The following ZNF764 variants were observed in gnomAD, a reference collection of about 807,000 sequenced individuals.
ZNF764 encodes zinc finger protein 764.
ZNF764 carries 10 observed loss-of-function variants against 13.9 expected under a neutral mutation model. That is an observed-to-expected ratio of 0.72 (90% CI 0.44 to 1.22). The LOEUF is 1.22. Among genes scored for constraint, ZNF764 ranks in the 50% most tolerant of loss-of-function variants. The probability of loss-of-function intolerance (pLI) is 0.00; values close to 1 mark genes in which losing one functional copy is unlikely to be tolerated. For synonymous variants in ZNF764, 313 were observed against 255.1 expected (o/e 1.23, Z -2.16); for missense variants, 647 against 589.7 (o/e 1.10, Z -1.01).
Position 30,555,186 on chromosome 16 carries a change from TA to T in ZNF764, c.*7del, listed in dbSNP as rs777236235. 293 of 1,601,696 alleles carry T rather than the reference TA, an allele frequency of 1.8e-4. No individual in the cohort carries two copies. The highest frequency in any genetic ancestry group is 2.4e-4 in the Non-Finnish European group (283 of 1,174,350). ...CCCGTAATGTCTAGATAGTCACTTT[TA>T]AGGCCGTCACCCACACTCCTGGAAT... On this transcript the variant is annotated 3_prime_UTR_variant, in exon 3 of 3. Coordinates refer to ENST00000395091, the MANE Select transcript of ZNF764 (RefSeq NM_001172679.2).
At position 30,558,112 on chromosome 16, in the gene ZNF764, C is replaced by CCCGGCTCCCTCCACTCGGGT. The variant is rs1293620878; in HGVS notation, c.51_70dup (p.Gly24AspfsTer10). On this transcript the variant is annotated frameshift_variant, in exon 1 of 3. Coordinates refer to ENST00000395091, the MANE Select transcript of ZNF764 (RefSeq NM_001172679.2). LOFTEE classifies it high-confidence loss of function. The stretch of plus-strand genomic sequence containing the variant: ...GGCCACGTCCGCGAAGCTCACAGCC[C>CCCGGCTCCCTCCACTCGGGT]CCGGCTCCCTCCACTCGGGTCCGGC... 2 of 1,609,514 alleles carry CCCGGCTCCCTCCACTCGGGT rather than the reference C, an allele frequency of 1.2e-6. No individual in the cohort carries two copies. The highest frequency in any genetic ancestry group is 1.7e-6 in the Non-Finnish European group (2 of 1,179,040).
At chr16:30,556,907 C>T (rs1172254748) in intron 2 of ZNF764, among the ~76,000 whole-genome samples, 1 of 152,074 alleles carries the variant, frequency 6.6e-6, no homozygotes, top group East Asian at 1.9e-4. Context: ...GAGGCCGAGG[C>T]GGGCAGATCA....
Position 30,558,023 on chromosome 16 carries a change from C to G in ZNF764, c.160G>C (p.Val54Leu). ...AGGTGGCCGTAGGTCTCCCGCATCA[C>G]GTCCCGGTACAGGGCCCTCTGCGCT... Reference protein sequence around the residue: ...RPAQRALYRDVMRETYGHLSA... With the variant: ...RPAQRALYRDLMRETYGHLSA... The change falls in exon 1 of 3, where the codon GTG becomes CTG. Residue 54 changes from valine to leucine, a missense_variant. Physicochemically the swap from Val to Leu is conservative, Grantham distance 32 (BLOSUM62 1). Coordinates refer to ENST00000395091, the MANE Select transcript of ZNF764 (RefSeq NM_001172679.2). 8 of 1,611,038 alleles carry G rather than the reference C, an allele frequency of 5.0e-6. No homozygotes were observed. Among genetic ancestry groups the G allele is most frequent in the Non-Finnish European group, 6.8e-6 (8 of 1,178,888 alleles).
At position 30,555,601 on chromosome 16, in the gene ZNF764, G is replaced by A; in HGVS notation, c.817C>T (p.Leu273Phe). Residue 273 changes from leucine (L) to phenylalanine (F), a missense_variant, in exon 3 of 3, where the codon CTC (leucine) becomes TTC (phenylalanine). Coordinates refer to ENST00000395091, the MANE Select transcript of ZNF764 (RefSeq NM_001172679.2). ...CGRRFSQSSA[L>F]YQHRRVHSGE... ...CTGTGCACGCGCCGGTGCTGGTAGAGGGCAGAGCTCTGGCTGAAGCGGCGG... is the reference window on the plus strand; with the variant it reads ...CTGTGCACGCGCCGGTGCTGGTAGAAGGCAGAGCTCTGGCTGAAGCGGCGG... 1 of 1,549,282 alleles carries A rather than the reference G, an allele frequency of 6.5e-7. No individual in the cohort carries two copies. Among genetic ancestry groups the A allele is most frequent in the Non-Finnish European group, 8.7e-7 (1 of 1,152,794 alleles).
In ZNF764 at chr16:30,558,121, C is replaced by T. The variant is rs1280000963; in HGVS notation, c.62G>A (p.Arg21Lys). Residue 21 changes from arginine to lysine, a missense_variant, in exon 1 of 3, where the codon AGG becomes AAG. Physicochemically the swap from Arg to Lys is conservative, Grantham distance 26. Transcript: ENST00000395091. Reference sequence around the variant, plus strand: ...CGCGAAGCTCACAGCCCCCGGCTCCCTCCACTCGGGTCCGGCCCCGTTTGG... The same window carrying T: ...CGCGAAGCTCACAGCCCCCGGCTCCTTCCACTCGGGTCCGGCCCCGTTTGG... ...RDPNGAGPEW[R>K]EPGAVSFADV... is the part of the protein sequence containing the mutation. 2.5e-6 allele frequency: 4 copies of T among 1,608,208 alleles called. No individual in the cohort carries two copies. Among genetic ancestry groups the T allele is most frequent in the African/African-American group, 1.3e-5 (1 of 74,902 alleles).
Position 30,558,037 on chromosome 16 carries a change from G to T in ZNF764, c.146C>A (p.Ala49Asp). 6.2e-7 allele frequency: 1 copy of T among 1,611,712 alleles called. No individual in the cohort carries two copies. Among genetic ancestry groups the T allele is most frequent in the Non-Finnish European group, 8.5e-7 (1 of 1,179,284 alleles). Residue 49 changes from alanine (A) to aspartate (D), a missense_variant, in exon 1 of 3, where the codon GCC becomes GAC. Transcript: ENST00000395091. ...EWGCLRPAQR[A>D]LYRDVMRETY... ...CTCCCGCATCACGTCCCGGTACAGG[G>T]CCCTCTGCGCTGGCCGCAAGCAGCC...
intron 2 of ZNF764, 140 bp from the exon 3 acceptor site, chr16:30,556,247 G>GCAGAGCCAGA: frequency 1.0e-6 from 1 of 988,126 alleles, no homozygotes; most frequent in Non-Finnish European, 1.5e-6. Context: ...TTCCTCGGCT[G>GCAGAGCCAGA]CAGAGCCAGA....
In ZNF764 at chr16:30,555,019, G is replaced by C. The variant is rs2051535611; in HGVS notation, c.*175C>G. ...GGGGCCTTGGAGAGCCCTGGGCAGT[G>C]GGGAGCAAGGTGCTGGCAGAGGAGG... On this transcript the variant is annotated 3_prime_UTR_variant, in exon 3 of 3. Transcript: ENST00000395091. 1 of 741,398 alleles carries C rather than the reference G, an allele frequency of 1.3e-6. No individual in the cohort carries two copies. The highest frequency in any genetic ancestry group is 1.8e-5 in the African/African-American group (1 of 54,566). 45.9% of individuals were successfully genotyped at this position (741,398 alleles called of 1,614,324 possible). A position where few individuals can be genotyped will look rare whatever the true frequency, so the allele number is the denominator to read the frequency against.
Position 30,555,131 on chromosome 16 carries a change from G to C in ZNF764, c.*63C>G. On this transcript the variant is annotated 3_prime_UTR_variant, in exon 3 of 3. Transcript: ENST00000395091. ...GGACCTCCCTGCAGGCCGCCGCAGA[G>C]GTTCGGGCCCCTGAGCCCATCTCGG... 1.3e-6 allele frequency: 2 copies of C among 1,526,208 alleles called. No individual in the cohort carries two copies. Among genetic ancestry groups the C allele is most frequent in the Non-Finnish European group, 1.8e-6 (2 of 1,136,832 alleles). The allele number at this position is 1,526,208 out of a possible 1,614,324, so 94.5% of individuals were successfully genotyped here. A position where few individuals can be genotyped will look rare whatever the true frequency, so the allele number is the denominator to read the frequency against.
At chr16:30,557,920 G>A in intron 1 of ZNF764, 67 bp downstream of exon 1, 1 of 1,571,104 alleles carries the variant, frequency 6.4e-7, no homozygotes, top group Non-Finnish European at 8.6e-7. Context: ...AACTTCACGC[G>A]CAGCTCCCAG....
Position 30,557,741 on chromosome 16 carries a change from G to T in ZNF764, c.302C>A (p.Thr101Lys). 1 of 1,613,562 alleles carries T rather than the reference G, an allele frequency of 6.2e-7. No individual in the cohort carries two copies. Among genetic ancestry groups the T allele is most frequent in the Non-Finnish European group, 8.5e-7 (1 of 1,179,748 alleles). Residue 101 changes from threonine (T) to lysine (K), a missense_variant, in exon 2 of 3, where the codon ACG (threonine) becomes AAG (lysine). Physicochemically the swap from Thr to Lys is moderately conservative, Grantham distance 78. Transcript: ENST00000395091. Reference sequence around the variant, plus strand: ...AGCACCCGATACTCCACCTGGGTCCGTTTGTGTCTGACATTTCGCCACCTC... The same window carrying T: ...AGCACCCGATACTCCACCTGGGTCCTTTTGTGTCTGACATTTCGCCACCTC... ...DPEVAKCQTQ[T>K]DPDSRNKKKE...
chr16:30,556,268 A>G (rs1162808765), intron 2 of ZNF764, among the ~76,000 whole-genome samples, 161 bp from the exon 3 acceptor site: 1 of 151,750 alleles, frequency 6.6e-6, no homozygotes, highest in Non-Finnish European at 1.5e-5. Flanking sequence ...CAGAGCCGGG[A>G]GGGAGAGAAC....
In ZNF764 at chr16:30,557,861, C is replaced by A; in HGVS notation, c.197-15G>T. The A allele has an allele frequency of 6.3e-7, 1 of 1,593,996 alleles. No individual in the cohort carries two copies. Among genetic ancestry groups the A allele is most frequent in the Non-Finnish European group, 8.5e-7 (1 of 1,170,006 alleles). On this transcript the variant is annotated splice_polypyrimidine_tract_variant and intron_variant, in intron 1 of 2. Transcript: ENST00000395091. The stretch of plus-strand genomic sequence containing the variant: ...GCCTCCGATTCCTAGGGAAGAAGAA[C>A]GCAAACCCCACGCTGCGGGGAGGCC...
rs1278501403 is a variant in ZNF764, at chr16:30,558,283, A to G, written c.-101T>C. 2 of 1,368,424 alleles carry G rather than the reference A, an allele frequency of 1.5e-6. No homozygotes were observed. Among genetic ancestry groups the G allele is most frequent in the East Asian group, 2.5e-5 (1 of 39,536 alleles). The allele number at this position is 1,368,424 out of a possible 1,614,324, so 84.8% of individuals were successfully genotyped here. ...AGAAAGCCTCCCCGGCCCGGGCCCA[A>G]GGGAAGGAGGGAGGTTACTAGGGCC... is the stretch of plus-strand genomic sequence containing the variant. On this transcript the variant is annotated 5_prime_UTR_variant, in exon 1 of 3. Transcript: ENST00000395091.
chr16:30,558,152 G>A lies in ZNF764; in HGVS notation c.31C>T (p.Arg11Trp). 1 of 1,601,410 alleles carries A rather than the reference G, an allele frequency of 6.2e-7. No homozygotes were observed. Among genetic ancestry groups the A allele is most frequent in the Non-Finnish European group, 8.5e-7 (1 of 1,177,416 alleles). MAPPLAPLPP[R>W]DPNGAGPEWR... Reference sequence around the variant, plus strand: ...TCGGGTCCGGCCCCGTTTGGGTCCCGGGGAGGGAGCGGGGCCAGAGGCGGC... The same window carrying A: ...TCGGGTCCGGCCCCGTTTGGGTCCCAGGGAGGGAGCGGGGCCAGAGGCGGC... The change falls in exon 1 of 3, where the codon CGG becomes TGG. Residue 11 changes from arginine to tryptophan, a missense_variant. By Grantham distance (101) the Arg-to-Trp change is moderately radical (BLOSUM62 -3). Transcript: ENST00000395091.
rs142253089 is a variant in ZNF764, at chr16:30,555,945, C to T, written c.473G>A (p.Arg158His). Residue 158 changes from arginine (R) to histidine (H), a missense_variant, in exon 3 of 3, where the codon CGC becomes CAC. Coordinates refer to ENST00000395091, the MANE Select transcript of ZNF764 (RefSeq NM_001172679.2). Reference sequence around the variant, plus strand: ...AGGGGGGTGGGCACAGAGGGAGGGGCGTCCCCGGTGCGGTGCCTTGGACAG... The same window carrying T: ...AGGGGGGTGGGCACAGAGGGAGGGGTGTCCCCGGTGCGGTGCCTTGGACAG... The part of the protein sequence containing the change: ...EQLSKAPHRG[R>H]PSLCAHPPVP... The T allele has an allele frequency of 9.3e-6, 15 of 1,611,294 alleles. No individual in the cohort carries two copies. Among genetic ancestry groups the T allele is most frequent in the Non-Finnish European group, 1.3e-5 (15 of 1,179,518 alleles).
intron 2 of ZNF764, among the ~76,000 whole-genome samples, chr16:30,557,457 C>A (rs899800545): frequency 6.6e-6 from 1 of 152,146 alleles, no homozygotes; most frequent in African/African-American, 2.4e-5. Flanking sequence ...CAAAGCGAGA[C>A]CCTGTCTCTA....
In ZNF764 at chr16:30,556,119, TAA is replaced by T; in HGVS notation, c.311-14_311-13del. ...CTTGTTTCTGGAATCTGCTGAGAGATAAAGAGGGGAGAGTTCAGGCTCGGCTC... is the reference window on the plus strand; with the variant it reads ...CTTGTTTCTGGAATCTGCTGAGAGATAGAGGGGAGAGTTCAGGCTCGGCTC... On this transcript the variant is annotated splice_polypyrimidine_tract_variant and intron_variant, in intron 2 of 2. Transcript: ENST00000395091. 6.2e-7 allele frequency: 1 copy of T among 1,609,436 alleles called. No individual in the cohort carries two copies. The highest frequency in any genetic ancestry group is 2.2e-4 in the Middle Eastern group (1 of 4,468).
At position 30,555,884 on chromosome 16, in the gene ZNF764, C is replaced by T; in HGVS notation, c.534G>A (p.Val178=). 2 of 1,612,216 alleles carry T rather than the reference C, an allele frequency of 1.2e-6. No individual in the cohort carries two copies. Among genetic ancestry groups the T allele is most frequent in the African/African-American group, 2.7e-5 (2 of 75,010 alleles). Residue 178 remains valine (V), a synonymous_variant, in exon 3 of 3, where the codon GTG becomes GTA. Coordinates refer to ENST00000395091, the MANE Select transcript of ZNF764 (RefSeq NM_001172679.2). Reference sequence around the variant, plus strand: ...AGCGCCAGGCAAAGCTCTTCCCGCACACGTAGCAGCCATGACGCTGGTCAG... The same window carrying T: ...AGCGCCAGGCAAAGCTCTTCCCGCATACGTAGCAGCCATGACGCTGGTCAG... ...PRADQRHGCY[V]CGKSFAWRST...
Sources: gnomAD v4.1 joint callset for allele counts (sites outside exome capture counted in the v4.1 genomes callset) on GRCh38, gnomAD v4.1.1 for gene constraint, MANE v1.5 for transcripts, NCBI Gene and HGNC (gene_info 2026-07-23, HGNC 2026-07-21) for gene names.